SSBP2: variants seen among roughly 807,000 people sequenced by gnomAD.
The protein encoded by SSBP2 is single-stranded DNA-binding protein 2.
A neutral mutation model predicts 61.8 loss-of-function variants in SSBP2; 17 were observed. The observed-to-expected ratio is 0.28, with a 90% CI of 0.19 to 0.41. SSBP2 has a LOEUF of 0.41. Ranked by LOEUF, SSBP2 falls within the 10% of genes least tolerant of loss-of-function variation. The pLI is 1.00. For synonymous variants in SSBP2, 139 were observed against 141.3 expected (o/e 0.98, Z 0.12); for missense variants, 310 against 458.7 (o/e 0.68, Z 2.96).
intron 3 of SSBP2, among the ~76,000 whole-genome samples, chr5:81,631,584 T>C (rs1747729618): frequency 6.6e-6 from 1 of 152,066 alleles, no homozygotes; most frequent in African/African-American, 2.4e-5. Context: ...CACAATGCAT[T>C]CATAAGCTAC....
rs147569080 is a variant in SSBP2 at position 81,729,749 on chromosome 5, T to A, written c.62+21232A>T. 1.6e-4 allele frequency among the ~76,000 whole-genome samples: 25 copies of A among 152,308 alleles called. No individual in the cohort carries two copies. The East Asian group carries it at 4.8e-3, about 29-fold the overall frequency. Reference sequence around the variant, plus strand: ...CCTTTAATTATATTTATTTTTAATATTCTTGATTGAAAAGTAATTGTATAC... The same window carrying A: ...CCTTTAATTATATTTATTTTTAATAATCTTGATTGAAAAGTAATTGTATAC... On this transcript the variant is annotated intron_variant, in intron 1 of 16. Coordinates refer to ENST00000320672, the MANE Select transcript of SSBP2 (RefSeq NM_012446.5).
intron 4 of SSBP2, among the ~76,000 whole-genome samples, chr5:81,600,007 TTCTG>T (rs1278345321): frequency 2.0e-5 from 3 of 152,240 alleles, no homozygotes; most frequent in Non-Finnish European, 2.9e-5. Context: ...TCTGTTTTAT[TTCTG>T]TCTCTTTGAC....
chr5:81,711,447 A>T (rs1195974564), intron 1 of SSBP2, among the ~76,000 whole-genome samples: 1 of 152,186 alleles, frequency 6.6e-6, no homozygotes, highest in Non-Finnish European at 1.5e-5. Context: ...AAATAAAAGC[A>T]TAAAAAAGCA....
intron 2 of SSBP2, among the ~76,000 whole-genome samples, chr5:81,646,025 A>C (rs897946999): frequency 1.3e-5 from 2 of 152,194 alleles, no homozygotes; most frequent in African/African-American, 4.8e-5. Context: ...AGAGCAGTCC[A>C]ATTTCTGATA....
intron 4 of SSBP2, among the ~76,000 whole-genome samples, chr5:81,517,310 G>C (rs923806765): frequency 4.0e-5 from 6 of 150,152 alleles, no homozygotes; most frequent in Middle Eastern, 3.5e-3. Flanking sequence ...TGCACTGCCA[G>C]ATAATGTATT....
intron 4 of SSBP2, among the ~76,000 whole-genome samples, chr5:81,538,796 T>C (rs1326635177): frequency 6.6e-6 from 1 of 152,212 alleles, no homozygotes. Context: ...GTTCACAGAA[T>C]GGTTTACCGA....
intron 1 of SSBP2, among the ~76,000 whole-genome samples, chr5:81,652,064 C>T (rs1749776089): frequency 6.6e-6 from 1 of 152,052 alleles, no homozygotes; most frequent in African/African-American, 2.4e-5. Flanking sequence ...AAATCCACAC[C>T]TAAGTAAAAG....
At chr5:81,582,429 A>T (rs956099883) in intron 4 of SSBP2, among the ~76,000 whole-genome samples, 1 of 152,192 alleles carries the variant, frequency 6.6e-6, no homozygotes, top group Non-Finnish European at 1.5e-5. Flanking sequence ...AACCTAATGC[A>T]TATGTACTCA....
chr5:81,725,330 G>A lies in SSBP2; in HGVS notation c.62+25651C>T, dbSNP rs138282476. 2.6e-3 allele frequency among the ~76,000 whole-genome samples: 398 copies of A among 152,186 alleles called. 2 individuals carry two copies. Among genetic ancestry groups the A allele is most frequent in the South Asian group, 8.1e-3 (39 of 4,826 alleles). On this transcript the variant is annotated intron_variant, in intron 1 of 16. Transcript: ENST00000320672. ...TTAAATAATATACCACTTTACAAAT[G>A]AAAGATTGGCAAAAATATAATGTAA...
chr5:81,457,244 T>C (rs1299456515), intron 10 of SSBP2, among the ~76,000 whole-genome samples: 2 of 152,186 alleles, frequency 1.3e-5, no homozygotes, highest in Non-Finnish European at 2.9e-5. Flanking sequence ...GGGAAAACTT[T>C]GAACAATTTT....
At chr5:81,723,818 A>C (rs908799191) in intron 1 of SSBP2, among the ~76,000 whole-genome samples, 20 of 152,020 alleles carry the variant, frequency 1.3e-4, no homozygotes, top group Non-Finnish European at 2.7e-4. Context: ...AACAGGGACA[A>C]TATTATAGAC....
rs1048190807 is a variant in SSBP2 at position 81,513,501 on chromosome 5, C to T, written c.372+127G>A. 2.7e-5 allele frequency: 16 copies of T among 585,568 alleles called. No individual in the cohort carries two copies. In the East Asian group the frequency reaches 4.6e-4, roughly 17 times the overall value. The allele number at this position is 585,568 out of a possible 1,614,324, so 36.3% of individuals were successfully genotyped here. On this transcript the variant is annotated intron_variant, in intron 5 of 16. Coordinates refer to ENST00000320672, the MANE Select transcript of SSBP2 (RefSeq NM_012446.5). ...ATAATAGATAACCCATCTGAATAAT[C>T]AAGAGTTGGCTACACATTATTATTT...
intron 4 of SSBP2, among the ~76,000 whole-genome samples, chr5:81,577,604 T>C (rs1774310482): frequency 2.0e-5 from 3 of 151,864 alleles, no homozygotes. Flanking sequence ...AAACTGCAAA[T>C]AGAATAAGGA....
chr5:81,726,985 A>G (rs1755930756), intron 1 of SSBP2, among the ~76,000 whole-genome samples: 1 of 151,978 alleles, frequency 6.6e-6, no homozygotes, highest in Non-Finnish European at 1.5e-5. Flanking sequence ...TTACAGTAAC[A>G]CCCCATTTAT....
Position 81,636,594 on chromosome 5 carries a change from A to G in SSBP2, c.160T>C (p.Leu54=). The change falls in exon 3 of 17, where the codon TTG becomes CTG. Residue 54 remains leucine, a synonymous_variant. Transcript: ENST00000320672. ...TGTAAGAATCCTGGTGGTTCCCCCAATGTGATGTTTTTTTCCCATCTTATC... is the reference window on the plus strand; with the variant it reads ...TGTAAGAATCCTGGTGGTTCCCCCAGTGTGATGTTTTTTTCCCATCTTATC... The G allele has an allele frequency of 1.9e-6, 3 of 1,611,280 alleles. No individual in the cohort carries two copies. Among genetic ancestry groups the G allele is most frequent in the Non-Finnish European group, 2.5e-6 (3 of 1,178,546 alleles).
intron 15 of SSBP2, among the ~76,000 whole-genome samples, 158 bp downstream of exon 15, chr5:81,437,272 A>G (rs375401079): frequency 5.3e-5 from 8 of 152,248 alleles, no homozygotes; most frequent in Admixed American, 4.6e-4. Context: ...CACAGATAAT[A>G]TGCATTAATA....
At position 81,427,349 on chromosome 5, in the gene SSBP2, A is replaced by C. The variant is rs530698977; in HGVS notation, c.1056+1236T>G. Among the ~76,000 whole-genome samples the C allele has an allele frequency of 2.0e-5, 3 of 152,286 alleles. No homozygotes were observed. The South Asian group carries it at 6.2e-4, about 32-fold the overall frequency. On this transcript the variant is annotated intron_variant, in intron 16 of 16. Transcript: ENST00000320672. The stretch of plus-strand genomic sequence containing the variant: ...TTTTTTCAACTGTAAACTGTTACAC[A>C]TAAAAAATTATTTGTCCTCACTAAT...
At chr5:81,684,283 G>A (rs10078696) in intron 1 of SSBP2, among the ~76,000 whole-genome samples, 15,012 of 152,106 alleles carry the variant, frequency 0.099, 1,879 homozygotes, top group African/African-American at 0.29. Context: ...GAAATGAGTT[G>A]GTCATGTAAA....
chr5:81,476,021 G>A (rs978375758), intron 6 of SSBP2, among the ~76,000 whole-genome samples: 1 of 151,866 alleles, frequency 6.6e-6, no homozygotes, highest in Non-Finnish European at 1.5e-5. Flanking sequence ...ACCTTGACTC[G>A]GATTGCCAAC....
Sources: allele counts gnomAD v4.1 joint callset (sites outside exome capture counted in the v4.1 genomes callset), GRCh38; gene constraint gnomAD v4.1.1; transcripts MANE v1.5; gene names NCBI Gene and HGNC (gene_info 2026-07-23, HGNC 2026-07-21).